VTI1A: variants seen among roughly 807,000 people sequenced by gnomAD.
VTI1A encodes the protein vesicle transport through interaction with t-SNAREs homolog 1A.
A neutral mutation model predicts 34.9 loss-of-function variants in VTI1A; 22 were observed. The observed-to-expected ratio is 0.63, with a 90% CI of 0.45 to 0.90. The LOEUF is 0.90. Ranked by LOEUF, VTI1A falls within the 40% of genes least tolerant of loss-of-function variation. The pLI, the probability that VTI1A is intolerant of heterozygous loss-of-function variation, is 0.00. For synonymous variants in VTI1A, 87 were observed against 97.3 expected (o/e 0.89, Z 0.62); for missense variants, 268 against 275.6 (o/e 0.97, Z 0.20).
At chr10:112,791,263 A>G (rs1171509912) in intron 7 of VTI1A, among the ~76,000 whole-genome samples, 1 of 152,340 alleles carries the variant, frequency 6.6e-6, no homozygotes, top group East Asian at 1.9e-4. Flanking sequence ...GCGCAACAAA[A>G]GGTACATTCT....
chr10:112,751,648 C>T (rs972337902), intron 7 of VTI1A, among the ~76,000 whole-genome samples: 1 of 151,772 alleles, frequency 6.6e-6, no homozygotes, highest in African/African-American at 2.4e-5. Flanking sequence ...GTAAATAGGA[C>T]CAATAAAGGG....
chr10:112,632,524 G>T (rs1846169184), intron 5 of VTI1A, among the ~76,000 whole-genome samples: 1 of 152,168 alleles, frequency 6.6e-6, no homozygotes, highest in South Asian at 2.1e-4. Flanking sequence ...AGAGGGCTCT[G>T]CCCCACTTAC....
At chr10:112,685,206 G>A (rs1208473964) in intron 7 of VTI1A, among the ~76,000 whole-genome samples, 1 of 152,138 alleles carries the variant, frequency 6.6e-6, no homozygotes, top group Non-Finnish European at 1.5e-5. Context: ...ACCAGAAGCG[G>A]TTTTTTAAAA....
chr10:112,753,017 T>A (rs1005902262), intron 7 of VTI1A, among the ~76,000 whole-genome samples: 1 of 152,114 alleles, frequency 6.6e-6, no homozygotes, highest in South Asian at 2.1e-4. Flanking sequence ...TTTGTATGTG[T>A]ATCTTACATA....
In VTI1A at chr10:112,662,093, G is replaced by C. The variant is rs1465463798; in HGVS notation, c.428-6125G>C. Among the ~76,000 whole-genome samples, 3 of 152,236 alleles carry C rather than the reference G, an allele frequency of 2.0e-5. No homozygotes were observed. In the South Asian group the frequency reaches 6.2e-4, roughly 32 times the overall value. The stretch of plus-strand genomic sequence containing the variant: ...AGCCAAGATTTTAAATTTATCTTTA[G>C]TTTTCAGAAATTGGACTGTGACATG... On this transcript the variant is annotated intron_variant, in intron 5 of 7. Transcript: ENST00000393077.
intron 5 of VTI1A, 111 bp from the exon 6 acceptor site, chr10:112,668,107 G>A: frequency 2.7e-6 from 2 of 731,262 alleles, no homozygotes; most frequent in Admixed American, 2.3e-5. Context: ...TGTGTCTGAT[G>A]TATAATGCAT....
At chr10:112,774,895 T>C (rs1160612290) in intron 7 of VTI1A, among the ~76,000 whole-genome samples, 1 of 152,148 alleles carries the variant, frequency 6.6e-6, no homozygotes, top group Non-Finnish European at 1.5e-5. Flanking sequence ...CTGTGCCCTT[T>C]TGTGTTCACA....
chr10:112,789,959 T>G (rs981781924), intron 7 of VTI1A, among the ~76,000 whole-genome samples: 2 of 152,002 alleles, frequency 1.3e-5, no homozygotes, highest in African/African-American at 4.8e-5. Flanking sequence ...TTCCTTTTTT[T>G]TTTTTTGGTG....
At chr10:112,641,239 A>G (rs1243007511) in intron 5 of VTI1A, among the ~76,000 whole-genome samples, 2 of 152,002 alleles carry the variant, frequency 1.3e-5, no homozygotes, top group African/African-American at 4.8e-5. Flanking sequence ...AAGCCTTTGC[A>G]ACTCTCCTTC....
chr10:112,595,778 G>C (rs1362790581), intron 5 of VTI1A, among the ~76,000 whole-genome samples: 2 of 151,268 alleles, frequency 1.3e-5, no homozygotes, highest in Non-Finnish European at 2.9e-5. Context: ...TCTAGAACTA[G>C]AAATACCATT....
At chr10:112,734,492 G>C (rs910917534) in intron 7 of VTI1A, among the ~76,000 whole-genome samples, 3 of 151,664 alleles carry the variant, frequency 2.0e-5, no homozygotes, top group African/African-American at 7.3e-5. Context: ...CCTAATTCTG[G>C]CATTTTATTT....
chr10:112,605,496 A>G (rs1222914563), intron 5 of VTI1A, among the ~76,000 whole-genome samples: 1 of 152,104 alleles, frequency 6.6e-6, no homozygotes, highest in African/African-American at 2.4e-5. Context: ...GCTGCTTTCA[A>G]TTCCATGGAT....
intron 5 of VTI1A, among the ~76,000 whole-genome samples, chr10:112,627,822 T>C (rs755881746): frequency 6.6e-6 from 1 of 152,030 alleles, no homozygotes; most frequent in African/African-American, 2.4e-5. Context: ...AATATATCAA[T>C]AAAAATGTGA....
At chr10:112,624,492 A>G (rs112959949) in intron 5 of VTI1A, among the ~76,000 whole-genome samples, 23 of 152,148 alleles carry the variant, frequency 1.5e-4, no homozygotes, top group African/African-American at 5.5e-4. Flanking sequence ...ATAAATGATT[A>G]TAAGACTCCT....
chr10:112,693,891 C>T (rs763747669), intron 7 of VTI1A, among the ~76,000 whole-genome samples: 6 of 152,194 alleles, frequency 3.9e-5, no homozygotes, highest in Admixed American at 1.3e-4. Flanking sequence ...ACAAGGCATT[C>T]CTGATCCAAA....
intron 7 of VTI1A, among the ~76,000 whole-genome samples, chr10:112,681,788 C>T (rs1375087641): frequency 2.0e-5 from 3 of 152,106 alleles, no homozygotes; most frequent in African/African-American, 7.2e-5. Context: ...AATAATACTG[C>T]ATGTTGACTA....
chr10:112,688,017 G>C (rs929335697), intron 7 of VTI1A, among the ~76,000 whole-genome samples: 1 of 147,348 alleles, frequency 6.8e-6, no homozygotes, highest in Non-Finnish European at 1.5e-5. Context: ...GCAGTGGCGC[G>C]ATCTCAGCTT....
At chr10:112,588,810 A>T (rs1025210438) in intron 5 of VTI1A, among the ~76,000 whole-genome samples, 1 of 152,192 alleles carries the variant, frequency 6.6e-6, no homozygotes, top group Admixed American at 6.5e-5. Context: ...ATTAACTTCC[A>T]TGCACGTCAT....
chr10:112,673,366 G>T (rs1449042601), intron 7 of VTI1A, among the ~76,000 whole-genome samples: 1 of 151,122 alleles, frequency 6.6e-6, no homozygotes, highest in African/African-American at 2.4e-5. Context: ...TGGCATAGAT[G>T]ATTAACACCC....
Sources: gnomAD v4.1 joint callset for allele counts (sites outside exome capture counted in the v4.1 genomes callset) on GRCh38, gnomAD v4.1.1 for gene constraint, MANE v1.5 for transcripts, NCBI Gene and HGNC (gene_info 2026-07-23, HGNC 2026-07-21) for gene names.